RIC1: variants seen among roughly 807,000 people sequenced by gnomAD.
RIC1 encodes the protein guanine nucleotide exchange factor subunit RIC1.
In RIC1, 88 loss-of-function variants were observed where a neutral mutation model predicts 169.0. The ratio of observed to expected loss-of-function variants is 0.52; its 90% CI spans 0.44 to 0.62. RIC1 has a LOEUF of 0.62. RIC1 is among the 20% of genes least tolerant of loss of function. The pLI is 0.00. For synonymous variants in RIC1, 790 were observed against 601.5 expected, an observed-to-expected ratio of 1.31 and a Z score of -4.59; for missense variants, 1,877 against 1,725.5, an observed-to-expected ratio of 1.09 and a Z score of -1.56.
intron 15 of RIC1, 47 bp from the exon 16 acceptor site, chr9:5,756,165 A>G (rs745389254): frequency 1.3e-4 from 164 of 1,245,262 alleles, no homozygotes; most frequent in Non-Finnish European, 1.6e-4. Context: ...GGTCATCCCT[A>G]GTAGTTATCT....
chr9:5,693,803 T>C (rs764599304), intron 3 of RIC1, among the ~76,000 whole-genome samples: 1 of 152,132 alleles, frequency 6.6e-6, no homozygotes, highest in Non-Finnish European at 1.5e-5. Context: ...TCATCATGTA[T>C]ACTTTGTTGA....
Position 5,747,393 on chromosome 9 carries a change from C to G in RIC1, c.1340C>G (p.Ser447Ter). 6.2e-7 allele frequency: 1 copy of G among 1,614,030 alleles called. No individual in the cohort carries two copies. Among genetic ancestry groups the G allele is most frequent in the Non-Finnish European group, 8.5e-7 (1 of 1,179,952 alleles). ...ASQTQNPRSS[S>*]THSEHKPSRE... Reference sequence around the variant, plus strand: ...CAAACCCAGAATCCCAGGAGTTCTTCAACACACTCTGAGCATAAGCCCAGT... The same window carrying G: ...CAAACCCAGAATCCCAGGAGTTCTTGAACACACTCTGAGCATAAGCCCAGT... The change falls in exon 12 of 26, where the codon TCA (serine) becomes TGA (stop). Residue 447 changes from serine (S) to a stop codon, truncating the protein, a stop_gained. Transcript: ENST00000414202. LOFTEE classifies it high-confidence loss of function.
chr9:5,755,472 C>T (rs569373840), intron 15 of RIC1, among the ~76,000 whole-genome samples: 4 of 152,328 alleles, frequency 2.6e-5, no homozygotes, highest in South Asian at 4.1e-4. Flanking sequence ...AATGTGGTCT[C>T]TCAGAATATC....
downstream of RIC1, among the ~76,000 whole-genome samples, chr9:5,777,816 TCTAATGATC>T (rs1478794132): frequency 6.6e-6 from 1 of 152,198 alleles, no homozygotes; most frequent in African/African-American, 2.4e-5. Flanking sequence ...TTAATTGTAT[TCTAATGATC>T]TATAATATCT....
chr9:5,714,654 A>G (rs1395768075), intron 4 of RIC1, among the ~76,000 whole-genome samples: 1 of 152,204 alleles, frequency 6.6e-6, no homozygotes, highest in Non-Finnish European at 1.5e-5. Context: ...CTTTATGGAA[A>G]AAAATCTTTC....
At chr9:5,674,012 T>C (rs548487528) in intron 2 of RIC1, among the ~76,000 whole-genome samples, 30 of 152,324 alleles carry the variant, frequency 2.0e-4, no homozygotes, top group Admixed American at 1.6e-3. Flanking sequence ...TCAACTGTGC[T>C]CGTCATAACC....
intron 4 of RIC1, among the ~76,000 whole-genome samples, chr9:5,717,121 T>A (rs1195375313): frequency 3.3e-5 from 5 of 152,236 alleles, no homozygotes; most frequent in Non-Finnish European, 5.9e-5. Context: ...TCTATTTATA[T>A]TGATGGATTT....
intron 2 of RIC1, among the ~76,000 whole-genome samples, chr9:5,666,080 C>G (rs1432925789): frequency 6.6e-6 from 1 of 152,142 alleles, no homozygotes; most frequent in East Asian, 1.9e-4. Flanking sequence ...CAGGTATACT[C>G]CGTCCTGGGG....
chr9:5,747,878 AGTACTCTGTACAGCTG>A (rs1468062602), intron 12 of RIC1, among the ~76,000 whole-genome samples: 1 of 152,218 alleles, frequency 6.6e-6, no homozygotes, highest in Non-Finnish European at 1.5e-5. Context: ...AACATCAGCT[AGTACTCTGTACAGCTG>A]ACCTTACAGT....
chr9:5,691,148 C>T (rs1821571626), intron 3 of RIC1, among the ~76,000 whole-genome samples: 1 of 151,854 alleles, frequency 6.6e-6, no homozygotes, highest in South Asian at 2.1e-4. Context: ...GTCATTATGT[C>T]TCAGAAAAAT....
chr9:5,740,571 G>A (rs1008731324), intron 8 of RIC1, among the ~76,000 whole-genome samples: 5 of 151,548 alleles, frequency 3.3e-5, no homozygotes, highest in African/African-American at 4.8e-5. Flanking sequence ...GAGCCAGTCC[G>A]AGTTCCAAAA....
At chr9:5,671,944 C>G (rs1923932) in intron 2 of RIC1, among the ~76,000 whole-genome samples, 1 of 151,948 alleles carries the variant, frequency 6.6e-6, no homozygotes, top group Non-Finnish European at 1.5e-5. Flanking sequence ...AAAGGGAGGA[C>G]TGTGTCTGCT....
intron 2 of RIC1, among the ~76,000 whole-genome samples, chr9:5,678,989 A>C (rs1236450302): frequency 6.6e-6 from 1 of 152,038 alleles, no homozygotes; most frequent in Non-Finnish European, 1.5e-5. Context: ...TCTAACATTT[A>C]AGTCTTTAAT....
At position 5,751,424 on chromosome 9, in the gene RIC1, C is replaced by T. The variant is rs140928111; in HGVS notation, c.1453-1776C>T. ...AGGCTGGAGTGCAGTGGTGCAATCT[C>T]GGCTCACTGCAACCTCCGCCTCCAG... On this transcript the variant is annotated intron_variant, in intron 12 of 25. Transcript: ENST00000414202. 6.7e-4 allele frequency among the ~76,000 whole-genome samples: 102 copies of T among 151,924 alleles called. 1 individual carries two copies. Among genetic ancestry groups the T allele is most frequent in the African/African-American group, 2.4e-3 (97 of 41,238 alleles).
At chr9:5,660,378 A>G (rs1213892082) in intron 2 of RIC1, among the ~76,000 whole-genome samples, 1 of 152,148 alleles carries the variant, frequency 6.6e-6, no homozygotes, top group East Asian at 1.9e-4. Flanking sequence ...CAGTAATGAG[A>G]TTATTGGGTC....
Position 5,738,541 on chromosome 9 carries a change from GAGTC to G in RIC1, c.901+4_901+7del. Reference sequence around the variant, plus strand: ...GCTAACAGCAAAACAGTATCCTGGTGAGTCTTTTTTTTTTTTTTTTTTTTTAACA... The same window carrying G: ...GCTAACAGCAAAACAGTATCCTGGTGTTTTTTTTTTTTTTTTTTTTTAACA... On this transcript the variant is annotated splice_donor_5th_base_variant and intron_variant, in intron 8 of 25. Coordinates refer to ENST00000414202, the MANE Select transcript of RIC1 (RefSeq NM_020829.4). 3 of 1,132,922 alleles carry G rather than the reference GAGTC, an allele frequency of 2.6e-6. No homozygotes were observed. Among genetic ancestry groups the G allele is most frequent in the Non-Finnish European group, 3.7e-6 (3 of 806,066 alleles). 70.2% of individuals were successfully genotyped at this position (1,132,922 alleles called of 1,614,324 possible). A position where few individuals can be genotyped will look rare whatever the true frequency, so the allele number is the denominator to read the frequency against.
intron 6 of RIC1, among the ~76,000 whole-genome samples, chr9:5,721,645 CT>C (rs1823596474): frequency 6.6e-6 from 1 of 152,186 alleles, no homozygotes; most frequent in Non-Finnish European, 1.5e-5. Flanking sequence ...CCTTCAGGCA[CT>C]TTTTGGGCTT....
chr9:5,672,177 T>C (rs774996971), intron 2 of RIC1, among the ~76,000 whole-genome samples: 5 of 152,132 alleles, frequency 3.3e-5, no homozygotes, highest in Non-Finnish European at 7.4e-5. Context: ...CCAGCATCTG[T>C]AGGTTTGCAT....
intron 3 of RIC1, among the ~76,000 whole-genome samples, chr9:5,690,278 G>C (rs909513113): frequency 6.6e-6 from 1 of 152,048 alleles, no homozygotes; most frequent in African/African-American, 2.4e-5. Flanking sequence ...CAGAATGACT[G>C]TTAATATATT....
Sources: allele counts gnomAD v4.1 joint callset (sites outside exome capture counted in the v4.1 genomes callset), GRCh38; gene constraint gnomAD v4.1.1; transcripts MANE v1.5; gene names NCBI Gene and HGNC (gene_info 2026-07-23, HGNC 2026-07-21).